Variants in SLC38A6 observed in about 807,000 individuals in gnomAD.
The protein encoded by SLC38A6 is solute carrier family 38 member 6, also known as N system amino acid transporter NAT-1.
SLC38A6 carries 73 observed loss-of-function variants against 65.0 expected under a neutral mutation model. That is an observed-to-expected ratio of 1.12 (90% CI 0.93 to 1.37). The LOEUF (loss-of-function observed/expected upper bound fraction) is 1.37, where lower values mean the gene tolerates loss of function less well. SLC38A6 is among the 40% of genes most tolerant of loss of function. SLC38A6 has a pLI of 0.00. For synonymous variants in SLC38A6, 183 were observed against 178.8 expected, an observed-to-expected ratio of 1.02 and a Z score of -0.19; for missense variants, 561 against 531.1, an observed-to-expected ratio of 1.06 and a Z score of -0.55.
At chr14:61,081,869 G>A (rs2043665128) in intron 16 of SLC38A6, among the ~76,000 whole-genome samples, 1 of 152,126 alleles carries the variant, frequency 6.6e-6, no homozygotes, top group Non-Finnish European at 1.5e-5. Context: ...AGTCAGGATG[G>A]AATCCTGATT....
chr14:61,040,778 G>A (rs2041753856), intron 8 of SLC38A6, among the ~76,000 whole-genome samples: 1 of 152,148 alleles, frequency 6.6e-6, no homozygotes, highest in Non-Finnish European at 1.5e-5. Context: ...CACTGCACTG[G>A]CCTGAAATAG....
At chr14:61,061,045 C>T (rs545502750) in intron 15 of SLC38A6, among the ~76,000 whole-genome samples, 1 of 151,870 alleles carries the variant, frequency 6.6e-6, no homozygotes, top group African/African-American at 2.4e-5. Context: ...GAGAAGAACC[C>T]GGTACCTCAG....
At position 61,037,053 on chromosome 14, in the gene SLC38A6, T is replaced by A; in HGVS notation, c.483-6T>A. ...CATGCCTAAAGTAGAACTTTTTTTA[T>A]AATAGATATTGGTATCTTGATGGAC... On this transcript the variant is annotated splice_polypyrimidine_tract_variant and splice_region_variant and intron_variant, in intron 6 of 15. Transcript: ENST00000267488. 1 of 1,607,260 alleles carries A rather than the reference T, an allele frequency of 6.2e-7. No homozygotes were observed. The highest frequency in any genetic ancestry group is 8.5e-7 in the Non-Finnish European group (1 of 1,175,788).
chr14:61,053,889 G>A (rs2042616077), downstream of SLC38A6, among the ~76,000 whole-genome samples: 1 of 152,042 alleles, frequency 6.6e-6, no homozygotes, highest in Non-Finnish European at 1.5e-5. Flanking sequence ...GATCTCATTT[G>A]TCAGTTAATT....
intron 1 of SLC38A6, chr14:60,981,713 T>G: frequency 7.6e-7 from 1 of 1,320,806 alleles, no homozygotes; most frequent in Non-Finnish European, 9.9e-7. Flanking sequence ...TGTCACCTTA[T>G]TTTCTCCACC....
At chr14:61,003,851 G>C (rs971197846) in intron 3 of SLC38A6, among the ~76,000 whole-genome samples, 9 of 152,096 alleles carry the variant, frequency 5.9e-5, no homozygotes, top group African/African-American at 2.2e-4. Context: ...TGACAGAAAG[G>C]AATGACTAGC....
intron 2 of SLC38A6, 69 bp downstream of exon 2, chr14:60,982,707 A>G: frequency 5.4e-6 from 8 of 1,468,862 alleles, no homozygotes; most frequent in Non-Finnish European, 7.3e-6. Context: ...GTAGAGAGAT[A>G]GATTCCAGAA....
chr14:60,996,715 T>A (rs2038318693), intron 3 of SLC38A6, among the ~76,000 whole-genome samples: 1 of 152,042 alleles, frequency 6.6e-6, no homozygotes, highest in African/African-American at 2.4e-5. Context: ...ATATAGATAA[T>A]ATTCTAAAAG....
At chr14:61,048,868 AT>A (rs956600543) in intron 12 of SLC38A6, among the ~76,000 whole-genome samples, 3 of 152,174 alleles carry the variant, frequency 2.0e-5, no homozygotes, top group Non-Finnish European at 4.4e-5. Flanking sequence ...TTAATAGCTC[AT>A]TTTATGATTC....
At chr14:61,020,729 C>T (rs1006573857) in intron 5 of SLC38A6, among the ~76,000 whole-genome samples, 2 of 152,174 alleles carry the variant, frequency 1.3e-5, no homozygotes, top group Admixed American at 6.6e-5. Flanking sequence ...TTATTATAGT[C>T]ATTGATTTTA....
At chr14:61,042,636 C>A (rs1388882064) in intron 8 of SLC38A6, among the ~76,000 whole-genome samples, 2 of 152,082 alleles carry the variant, frequency 1.3e-5, no homozygotes, top group African/African-American at 2.4e-5. Context: ...TCCACATTAA[C>A]CAAAAATAAT....
At chr14:61,068,110 CCTAT>C (rs1045796764) in intron 15 of SLC38A6, among the ~76,000 whole-genome samples, 1 of 152,082 alleles carries the variant, frequency 6.6e-6, no homozygotes, top group African/African-American at 2.4e-5. Context: ...AGCCTAAACT[CCTAT>C]CTGTTTTCTG....
intron 5 of SLC38A6, among the ~76,000 whole-genome samples, chr14:61,028,502 C>G (rs2139645106): frequency 6.6e-6 from 1 of 152,184 alleles, no homozygotes; most frequent in South Asian, 2.1e-4. Context: ...ACTCCAAATC[C>G]TTGAATGGAG....
intron 5 of SLC38A6, among the ~76,000 whole-genome samples, chr14:61,020,086 A>G (rs1171736372): frequency 6.6e-6 from 1 of 152,146 alleles, no homozygotes; most frequent in African/African-American, 2.4e-5. Flanking sequence ...TTTATCCTGT[A>G]TCTTGTTCCT....
intron 3 of SLC38A6, among the ~76,000 whole-genome samples, chr14:61,014,860 C>T (rs1044958232): frequency 6.6e-6 from 1 of 152,202 alleles, no homozygotes; most frequent in East Asian, 1.9e-4. Context: ...CATTCTGTCC[C>T]TTCTCAGATC....
At chr14:61,043,410 G>C in intron 9 of SLC38A6, 40 bp from the exon 10 acceptor site, 1 of 1,452,896 alleles carries the variant, frequency 6.9e-7, no homozygotes. Flanking sequence ...AAATTTAATG[G>C]CTGTTGGTTT....
intron 16 of SLC38A6, among the ~76,000 whole-genome samples, chr14:61,083,391 A>G (rs1330644861): frequency 6.6e-6 from 1 of 152,146 alleles, no homozygotes; most frequent in Non-Finnish European, 1.5e-5. Flanking sequence ...ATTAGCTGTT[A>G]TGCACTCAAT....
At chr14:61,029,344 A>ACAGGATTTCACCATGTTGGC (rs1266059736) in intron 5 of SLC38A6, among the ~76,000 whole-genome samples, 3 of 151,972 alleles carry the variant, frequency 2.0e-5, no homozygotes, top group Admixed American at 2.0e-4. Context: ...TTCAGTAGAG[A>ACAGGATTTCACCATGTTGGC]CAGGATTTCA....
chr14:61,078,426 T>A (rs983319675), intron 15 of SLC38A6, among the ~76,000 whole-genome samples: 13 of 152,302 alleles, frequency 8.5e-5, no homozygotes, highest in Admixed American at 5.9e-4. Context: ...GGAGCACAGA[T>A]GTAATAGCAA....
Sources: gnomAD v4.1 joint callset for allele counts (sites outside exome capture counted in the v4.1 genomes callset) on GRCh38, gnomAD v4.1.1 for gene constraint, MANE v1.5 for transcripts, NCBI Gene and HGNC (gene_info 2026-07-23, HGNC 2026-07-21) for gene names.